KLHL23: variants seen among roughly 807,000 people sequenced by gnomAD.
KLHL23 encodes kelch-like protein 23.
KLHL23 carries 33 observed loss-of-function variants against 48.9 expected under a neutral mutation model. The observed-to-expected ratio is 0.67, with a 90% CI of 0.51 to 0.90. The LOEUF (loss-of-function observed/expected upper bound fraction) is 0.90. Ranked by LOEUF, KLHL23 falls within the 40% of genes least tolerant of loss-of-function variation. The pLI is 0.00. For synonymous variants in KLHL23, 234 were observed against 231.6 expected, an observed-to-expected ratio of 1.01 and a Z score of -0.09; for missense variants, 608 against 669.6, an observed-to-expected ratio of 0.91 and a Z score of 1.02.
At chr2:169,748,440 A>AT (rs1688854837) in intron 3 of KLHL23, among the ~76,000 whole-genome samples, 1 of 152,154 alleles carries the variant, frequency 6.6e-6, no homozygotes, top group Non-Finnish European at 1.5e-5. Flanking sequence ...TTTAAGTGTA[A>AT]TTTTATGACT....
Position 169,744,164 on chromosome 2 carries a change from G to A in KLHL23, c.1366+2627G>A, listed in dbSNP as rs181567362. On this transcript the variant is annotated intron_variant, in intron 3 of 3. Transcript: ENST00000392647. ...TGATTAAGTGTTAGTCTTTACTGCC[G>A]TAGGAGCTCAGAATCCAGGAGCAAA... Among the ~76,000 whole-genome samples the A allele has an allele frequency of 1.1e-4, 17 of 152,240 alleles. No homozygotes were observed. The East Asian group carries it at 2.3e-3, about 21-fold the overall frequency.
In KLHL23 at chr2:169,742,412, A is replaced by C. The variant is rs577714783; in HGVS notation, c.1366+875A>C. The stretch of plus-strand genomic sequence containing the variant: ...CTGTGAGCAGGTATTGTTTGTCACC[A>C]TTTTACATATTTGGAAATGGAGGCT... On this transcript the variant is annotated intron_variant, in intron 3 of 3. Coordinates refer to ENST00000392647, the MANE Select transcript of KLHL23 (RefSeq NM_144711.6). 3.3e-5 allele frequency among the ~76,000 whole-genome samples: 5 copies of C among 152,310 alleles called. No homozygotes were observed. In the South Asian group the frequency reaches 1.0e-3, roughly 32 times the overall value.
rs755482442 is a variant in KLHL23 at position 169,749,474 on chromosome 2, A to G, written c.1419A>G (p.Gly473=). ...AAAATAAGCTCTATCTAGTCGGCGG[A>G]CAAACTACAATCACAGAATGCTATG... is the stretch of plus-strand genomic sequence containing the variant. ...PFENKLYLVG[G]QTTITECYDP... is the part of the protein sequence containing the mutation. The change falls in exon 4 of 4, where the codon GGA becomes GGG. Residue 473 remains glycine, a synonymous_variant. Coordinates refer to ENST00000392647, the MANE Select transcript of KLHL23 (RefSeq NM_144711.6). 2 of 1,614,066 alleles carry G rather than the reference A, an allele frequency of 1.2e-6. No homozygotes were observed. Among genetic ancestry groups the G allele is most frequent in the East Asian group, 2.2e-5 (1 of 44,874 alleles).
rs1688957246 is a variant in KLHL23, at chr2:169,750,938, A to G, written c.*1206A>G. On this transcript the variant is annotated 3_prime_UTR_variant, in exon 4 of 4. Transcript: ENST00000392647. ...TGTAGAGCAGTTGTGATTAGTAGAA[A>G]ATACACTGACAAGAAGATATTTGCA... 1 of 152,224 alleles carries G rather than the reference A, an allele frequency of 6.6e-6. No homozygotes were observed. Among genetic ancestry groups the G allele is most frequent in the Non-Finnish European group, 1.5e-5 (1 of 68,042 alleles). 9.4% of individuals were successfully genotyped at this position (152,224 alleles called of 1,614,324 possible). A position where few individuals can be genotyped will look rare whatever the true frequency, so the allele number is the denominator to read the frequency against.
chr2:169,745,237 G>T (rs2105654010), intron 3 of KLHL23, among the ~76,000 whole-genome samples: 1 of 152,094 alleles, frequency 6.6e-6, no homozygotes, highest in South Asian at 2.1e-4. Flanking sequence ...TCTTGGCTGG[G>T]CGCGGTGGCT....
Position 169,735,955 on chromosome 2 carries a change from G to T in KLHL23, c.941G>T (p.Gly314Val), listed in dbSNP as rs1688503860. 1 of 1,614,070 alleles carries T rather than the reference G, an allele frequency of 6.2e-7. No homozygotes were observed. Among genetic ancestry groups the T allele is most frequent in the South Asian group, 1.1e-5 (1 of 91,090 alleles). ...EIPDYTRESY[G>V]VTCLGPNIYV... ...CCAGATTATACCAGGGAGAGCTATGGTGTTACATGTTTAGGACCCAACATT... is the reference window on the plus strand; with the variant it reads ...CCAGATTATACCAGGGAGAGCTATGTTGTTACATGTTTAGGACCCAACATT... Residue 314 changes from glycine (G) to valine (V), a missense_variant, in exon 2 of 4, where the codon GGT becomes GTT. This residue lies in a region of KLHL23 where 419 missense variants were observed against 473.1 expected (regional missense o/e 0.89). Transcript: ENST00000392647. This position sits in a 1 kb window ranked among gnomAD's most constrained non-coding sequence, Gnocchi z 4.5.
At chr2:169,742,038 C>T (rs1404579369) in intron 3 of KLHL23, among the ~76,000 whole-genome samples, 4 of 152,224 alleles carry the variant, frequency 2.6e-5, no homozygotes, top group African/African-American at 7.2e-5. Flanking sequence ...TACCTTAACA[C>T]TCATACAGGG....
intron 2 of KLHL23, among the ~76,000 whole-genome samples, chr2:169,736,907 A>G (rs1348132416): frequency 6.6e-6 from 1 of 152,130 alleles, no homozygotes; most frequent in Non-Finnish European, 1.5e-5. Flanking sequence ...TTTTGTCCCA[A>G]ATGTTTCTTC....
chr2:169,740,473 G>T (rs1688646815), intron 2 of KLHL23, among the ~76,000 whole-genome samples: 1 of 149,126 alleles, frequency 6.7e-6, no homozygotes, highest in African/African-American at 2.5e-5. Flanking sequence ...TTTTGAGACG[G>T]AGTCTCGCTC....
intron 2 of KLHL23, among the ~76,000 whole-genome samples, chr2:169,738,992 TCCTCCCCTTCCC>T (rs1688606167): frequency 2.0e-4 from 1 of 5,048 alleles, no homozygotes; most frequent in African/African-American, 1.6e-3. Context: ...CCCCTCCCCC[TCCTCCCCTTCCC>T]CTCCCCCATC....
intron 1 of KLHL23, 148 bp from the exon 2 acceptor site, chr2:169,734,865 A>G (rs1373476036): frequency 2.8e-6 from 3 of 1,069,118 alleles, no homozygotes; most frequent in Non-Finnish European, 3.8e-6. Context: ...ATGATCAAAC[A>G]GTCCATCCAC....
In KLHL23 at chr2:169,751,487, A is replaced by G. The variant is rs779100732; in HGVS notation, c.*1755A>G. ...CCATATCCTTTGCCCCATAAATTCTACTTCTATACTTTTAACCTTAAAAAT... is the reference window on the plus strand; with the variant it reads ...CCATATCCTTTGCCCCATAAATTCTGCTTCTATACTTTTAACCTTAAAAAT... On this transcript the variant is annotated 3_prime_UTR_variant, in exon 4 of 4. Transcript: ENST00000392647. The G allele has an allele frequency of 2.1e-4, 32 of 152,224 alleles. No homozygotes were observed. The highest frequency in any genetic ancestry group is 1.8e-3 in the Admixed American group (27 of 15,272). 9.4% of individuals were successfully genotyped at this position (152,224 alleles called of 1,614,324 possible).
chr2:169,745,513 CAAAA>C (rs1157957265), intron 3 of KLHL23, among the ~76,000 whole-genome samples: 7,886 of 62,574 alleles, frequency 0.13, 80 homozygotes, highest in Middle Eastern at 0.25. Flanking sequence ...GACTCCGTCT[CAAAA>C]AAAAAAAAAA....
chr2:169,734,698 G>A (rs1036331765), intron 1 of KLHL23, among the ~76,000 whole-genome samples: 2 of 152,190 alleles, frequency 1.3e-5, no homozygotes, highest in Admixed American at 1.3e-4. Flanking sequence ...TCGGACACTT[G>A]CCTTGCCTAG....
intron 2 of KLHL23, among the ~76,000 whole-genome samples, chr2:169,739,874 A>C (rs1388091294): frequency 2.6e-5 from 4 of 152,228 alleles, no homozygotes; most frequent in African/African-American, 9.6e-5. Context: ...CCTAGGCTTC[A>C]GACCTGTACA....
chr2:169,734,756 T>A (rs967938638), intron 1 of KLHL23, among the ~76,000 whole-genome samples: 2 of 151,998 alleles, frequency 1.3e-5, no homozygotes, highest in African/African-American at 4.8e-5. Flanking sequence ...TTGCGGTGAA[T>A]GGAATAGCAA....
Position 169,733,897 on chromosome 2 carries a change from C to CGGGGGGCTGTTCGGGTGGAGGCG in KLHL23, c.-188_-166dup, listed in dbSNP as rs1375499197. The CGGGGGGCTGTTCGGGTGGAGGCG allele has an allele frequency of 6.6e-6, 1 of 152,052 alleles. No homozygotes were observed. The highest frequency in any genetic ancestry group is 1.9e-4 in the East Asian group (1 of 5,160). 9.4% of individuals were successfully genotyped at this position (152,052 alleles called of 1,614,324 possible). A position where few individuals can be genotyped will look rare whatever the true frequency, so the allele number is the denominator to read the frequency against. ...CGAGTGGCCTCGCGCCCAGACCGTG[C>CGGGGGGCTGTTCGGGTGGAGGCG]GGGGGGCTGTTCGGGTGGAGGCGGG... On this transcript the variant is annotated 5_prime_UTR_variant, in exon 1 of 4. Coordinates refer to ENST00000392647, the MANE Select transcript of KLHL23 (RefSeq NM_144711.6).
At chr2:169,740,167 C>T (rs760523423) in intron 2 of KLHL23, among the ~76,000 whole-genome samples, 4 of 152,132 alleles carry the variant, frequency 2.6e-5, no homozygotes, top group Non-Finnish European at 5.9e-5. Flanking sequence ...CGCTGGACTG[C>T]GGTGATGTAA....
At chr2:169,741,249 G>T in intron 2 of KLHL23, 136 bp from the exon 3 acceptor site, 2 of 1,144,926 alleles carry the variant, frequency 1.7e-6, no homozygotes, top group Non-Finnish European at 2.4e-6. Flanking sequence ...TTATTCTTTT[G>T]TCCCTTATAG....
Sources: allele counts gnomAD v4.1 joint callset (sites outside exome capture counted in the v4.1 genomes callset), GRCh38; gene constraint gnomAD v4.1.1; regional missense constraint gnomAD v4.1.1; non-coding constraint Gnocchi (gnomAD v3.1); transcripts MANE v1.5; gene names NCBI Gene and HGNC (gene_info 2026-07-23, HGNC 2026-07-21).